Variants in PRKDC observed in about 807,000 individuals in gnomAD.
PRKDC encodes the protein protein kinase, DNA-activated, catalytic subunit.
PRKDC carries 82 observed loss-of-function variants against 486.9 expected under a neutral mutation model. The ratio of observed to expected loss-of-function variants is 0.17; its 90% confidence interval spans 0.14 to 0.20. The LOEUF is 0.20. Ranked by LOEUF, PRKDC falls within the 10% of genes least tolerant of loss-of-function variation. The probability of loss-of-function intolerance (pLI) is 1.00; values close to 1 mark genes in which losing one functional copy is unlikely to be tolerated. For synonymous variants in PRKDC, 1,895 were observed against 1,837.0 expected, an observed-to-expected ratio of 1.03 and a Z score of -0.81; for missense variants, 4,504 against 5,038.2, an observed-to-expected ratio of 0.89 and a Z score of 3.21.
chr8:47,849,057 A>G, intron 54 of PRKDC, 97 bp downstream of exon 54: 2 of 1,449,984 alleles, frequency 1.4e-6, no homozygotes, highest in South Asian at 1.3e-5. Context: ...TGTGTATATC[A>G]TGGAAACCCA....
intron 72 of PRKDC, among the ~76,000 whole-genome samples, chr8:47,798,972 C>A (rs2087039459): frequency 6.6e-6 from 1 of 152,116 alleles, no homozygotes; most frequent in Non-Finnish European, 1.5e-5. Flanking sequence ...CCACGCCCAG[C>A]TAATTTTTTT....
intron 72 of PRKDC, among the ~76,000 whole-genome samples, 191 bp from the exon 73 acceptor site, chr8:47,798,588 T>TA (rs2154498154): frequency 6.6e-6 from 1 of 152,232 alleles, no homozygotes; most frequent in South Asian, 2.1e-4. Context: ...ATCCTTCCAT[T>TA]AGAGTGCCCA....
At position 47,871,665 on chromosome 8, in the gene PRKDC, C is replaced by G. The variant is rs993148689; in HGVS notation, c.5363+6059G>C. On this transcript the variant is annotated intron_variant, in intron 40 of 85. Transcript: ENST00000314191. The stretch of plus-strand genomic sequence containing the variant: ...CCAGGCTGGAGTGCAGTGGCACGAT[C>G]TTAGCTCACTGCGACCTCCACCTCC... Among the ~76,000 whole-genome samples the G allele has an allele frequency of 1.7e-4, 26 of 152,138 alleles. 1 individual carries two copies. The highest frequency in any genetic ancestry group is 2.4e-5 in the African/African-American group (1 of 41,458).
chr8:47,790,896 C>T (rs1423238760), intron 74 of PRKDC, among the ~76,000 whole-genome samples: 4 of 152,146 alleles, frequency 2.6e-5, no homozygotes, highest in South Asian at 2.1e-4. Context: ...TCTCTCACCA[C>T]ATACAAAAAT....
chr8:47,825,292 T>C (rs2087709733), intron 63 of PRKDC, among the ~76,000 whole-genome samples: 1 of 151,976 alleles, frequency 6.6e-6, no homozygotes, highest in South Asian at 2.1e-4. Flanking sequence ...TCCCAGCACT[T>C]TGGGAGGCCG....
Position 47,776,846 on chromosome 8 carries a change from A to C in PRKDC, c.12180T>G (p.Thr4060=), listed in dbSNP as rs768893366. The C allele has an allele frequency of 6.2e-7, 1 of 1,613,738 alleles. No individual in the cohort carries two copies. The highest frequency in any genetic ancestry group is 8.5e-7 in the Non-Finnish European group (1 of 1,179,836). ...TTTTCCACATATAAAAATCTTACCA[A>C]GTAATGACTGCTGGATTGGCACCTG... ...KLAGANPAVI[T]CDELLLGHEK... The change falls in exon 85 of 86, where the codon ACT becomes ACG. Residue 4060 remains threonine, a splice_region_variant and synonymous_variant. Coordinates refer to ENST00000314191, the MANE Select transcript of PRKDC (RefSeq NM_006904.7).
intron 31 of PRKDC, among the ~76,000 whole-genome samples, chr8:47,891,255 AG>A (rs1301889759): frequency 1.3e-5 from 2 of 152,250 alleles, no homozygotes; most frequent in African/African-American, 4.8e-5. Flanking sequence ...CTGTTGAAAG[AG>A]TAAAGGCAAC....
intron 7 of PRKDC, among the ~76,000 whole-genome samples, chr8:47,946,344 A>G (rs1388279937): frequency 6.6e-6 from 1 of 151,732 alleles, no homozygotes; most frequent in Admixed American, 6.6e-5. Context: ...TTACCCCCAC[A>G]TCTCCCATCA....
Position 47,836,362 on chromosome 8 carries a change from C to T in PRKDC, c.7927G>A (p.Asp2643Asn). 1 of 1,601,692 alleles carries T rather than the reference C, an allele frequency of 6.2e-7. No individual in the cohort carries two copies. Among genetic ancestry groups the T allele is most frequent in the Non-Finnish European group, 8.5e-7 (1 of 1,172,412 alleles). ...GQIRATQQQHDFTLTQTADGR... is the reference protein window; with the variant it reads ...GQIRATQQQHNFTLTQTADGR... ...CCTGCAGTCTGTGTCAGTGTGAAGT[C>T]ATGCTGCTGCTGGGTGGCCCTTATC... The change falls in exon 58 of 86, where the codon GAC becomes AAC. Residue 2643 changes from aspartate (D) to asparagine (N), a missense_variant. By Grantham distance (23) the Asp-to-Asn change is conservative. Transcript: ENST00000314191.
At chr8:47,903,038 G>A (rs950046231) in intron 26 of PRKDC, among the ~76,000 whole-genome samples, 1 of 151,998 alleles carries the variant, frequency 6.6e-6, no homozygotes, top group Non-Finnish European at 1.5e-5. Flanking sequence ...AAACTGAAAA[G>A]CCATGAAGAG....
rs1235529110 is a variant in PRKDC, at chr8:47,862,450, C to T, written c.5842G>A (p.Ala1948Thr). ...RLYHCAAYNCAISVICCVFNE... is the reference protein window; with the variant it reads ...RLYHCAAYNCTISVICCVFNE... ...AAGACACAGCAGATGACAGATATGG[C>T]GCAGTTGTATGCTGCACAATGGTAA... The change falls in exon 43 of 86, where the codon GCC (alanine) becomes ACC (threonine). Residue 1948 changes from alanine (A) to threonine (T), a missense_variant. Physicochemically the swap from Ala to Thr is moderately conservative, Grantham distance 58. Transcript: ENST00000314191. 6.2e-6 allele frequency: 10 copies of T among 1,613,786 alleles called. No individual in the cohort carries two copies. Among genetic ancestry groups the T allele is most frequent in the Non-Finnish European group, 6.8e-6 (8 of 1,179,826 alleles).
rs1379491708 is a variant in PRKDC at position 47,785,414 on chromosome 8, GTA to G, written c.10903-99_10903-98del. 65 of 956,944 alleles carry G rather than the reference GTA, an allele frequency of 6.8e-5. No homozygotes were observed. In the African/African-American group the frequency reaches 8.0e-4, roughly 12 times the overall value. The allele number at this position is 956,944 out of a possible 1,614,324, so 59.3% of individuals were successfully genotyped here. A position where few individuals can be genotyped will look rare whatever the true frequency, so the allele number is the denominator to read the frequency against. On this transcript the variant is annotated intron_variant, in intron 76 of 85. Coordinates refer to ENST00000314191, the MANE Select transcript of PRKDC (RefSeq NM_006904.7). ...AGTGTAATGAATGGAGTGCTCAATG[GTA>G]TATGTTTCTTCTCTGCTTTTAAGAT... is the stretch of plus-strand genomic sequence containing the variant.
intron 36 of PRKDC, among the ~76,000 whole-genome samples, chr8:47,885,735 AC>A (rs1443812895): frequency 1.3e-5 from 2 of 152,054 alleles, no homozygotes; most frequent in African/African-American, 2.4e-5. Flanking sequence ...TACTAAAAAT[AC>A]AAAAAATTAG....
intron 1 of PRKDC, among the ~76,000 whole-genome samples, chr8:47,958,124 T>C (rs2090739896): frequency 6.6e-6 from 1 of 152,086 alleles, no homozygotes; most frequent in South Asian, 2.1e-4. Flanking sequence ...AGTAAGGAGA[T>C]GAAGAAGAGT....
chr8:47,779,094 CTAA>C lies in PRKDC; in HGVS notation c.11490-4_11490-2del. On this transcript the variant is annotated splice_acceptor_variant and splice_polypyrimidine_tract_variant and intron_variant, in intron 80 of 85. Transcript: ENST00000314191. LOFTEE classifies it high-confidence loss of function. ...TTCACACGGCGGTGCCCTGGGATCA[CTAA>C]TGAGTGAGAAAAGGGGAATTGGAAT... 1.9e-6 allele frequency: 3 copies of C among 1,579,960 alleles called. No individual in the cohort carries two copies. The highest frequency in any genetic ancestry group is 8.6e-7 in the Non-Finnish European group (1 of 1,161,292).
intron 56 of PRKDC, among the ~76,000 whole-genome samples, chr8:47,838,028 C>A (rs533571176): frequency 6.6e-6 from 1 of 152,058 alleles, no homozygotes; most frequent in East Asian, 1.9e-4. Context: ...CCCAGCTACT[C>A]GGGAGGCTGA....
chr8:47,915,776 T>C (rs974303097), intron 22 of PRKDC, among the ~76,000 whole-genome samples: 1 of 152,234 alleles, frequency 6.6e-6, no homozygotes, highest in South Asian at 2.1e-4. Flanking sequence ...ACAGTGTAGC[T>C]CACTGGGAGA....
At chr8:47,948,573 C>A (rs1392946578) in intron 7 of PRKDC, among the ~76,000 whole-genome samples, 1 of 151,328 alleles carries the variant, frequency 6.6e-6, no homozygotes, top group African/African-American at 2.4e-5. Flanking sequence ...GATTCTCCTG[C>A]CTCAGCCTCC....
rs748335820 is a variant in PRKDC at position 47,777,701 on chromosome 8, G to C, written c.12027C>G (p.Pro4009=). 6.3e-7 allele frequency: 1 copy of C among 1,586,232 alleles called. No individual in the cohort carries two copies. The highest frequency in any genetic ancestry group is 8.6e-7 in the Non-Finnish European group (1 of 1,162,004). Residue 4009 remains proline, a synonymous_variant, in exon 84 of 86, where the codon CCC becomes CCG. Transcript: ENST00000314191. ...CAAAACCTACTTTCCAATCAAAGGA[G>C]GGCTCCTTGACAAACACATCCATGG... ...TNTMDVFVKE[P]SFDWKNFEQK...
Sources: allele counts gnomAD v4.1 joint callset (sites outside exome capture counted in the v4.1 genomes callset), GRCh38; gene constraint gnomAD v4.1.1; transcripts MANE v1.5; gene names NCBI Gene and HGNC (gene_info 2026-07-23, HGNC 2026-07-21).